Variants in CCDC171 observed in about 807,000 individuals in gnomAD.
CCDC171 encodes coiled-coil domain containing 171, also known as coiled-coil domain-containing protein 171.
CCDC171 carries 177 observed loss-of-function variants against 168.2 expected under a neutral mutation model. That is an observed-to-expected ratio of 1.05 (90% confidence interval 0.93 to 1.19). The LOEUF (loss-of-function observed/expected upper bound fraction) is 1.19, where lower values mean the gene tolerates loss of function less well. CCDC171 is among the 50% of genes most tolerant of loss of function. The probability of loss-of-function intolerance (pLI) is 0.00; values close to 1 mark genes in which losing one functional copy is unlikely to be tolerated. For synonymous variants in CCDC171, 687 were observed against 540.8 expected (o/e 1.27, Z -3.75); for missense variants, 1,991 against 1,539.0 (o/e 1.29, Z -4.91).
intron 21 of CCDC171, among the ~76,000 whole-genome samples, chr9:15,810,806 G>A (rs1430870336): frequency 6.6e-6 from 1 of 152,210 alleles, no homozygotes; most frequent in Non-Finnish European, 1.5e-5. Context: ...CCCACAAGGA[G>A]AGGGAGCTGG....
At chr9:15,953,748 A>T (rs1487938028) in intron 25 of CCDC171, among the ~76,000 whole-genome samples, 1 of 152,132 alleles carries the variant, frequency 6.6e-6, no homozygotes, top group African/African-American at 2.4e-5. Context: ...GAGGAGGACT[A>T]ATGTTAATTC....
In CCDC171 at chr9:15,564,085, C is replaced by G; in HGVS notation, c.-4C>G. The G allele has an allele frequency of 6.2e-7, 1 of 1,602,738 alleles. No homozygotes were observed. The highest frequency in any genetic ancestry group is 8.5e-7 in the Non-Finnish European group (1 of 1,172,874). The stretch of plus-strand genomic sequence containing the variant: ...AGGGTATTTTGAAAGAGTTGGAAAA[C>G]ATCATGAATTTGAATACTTCAAGTA... On this transcript the variant is annotated 5_prime_UTR_variant, in exon 2 of 26. Coordinates refer to ENST00000380701, the MANE Select transcript of CCDC171 (RefSeq NM_173550.4).
At chr9:15,861,814 T>C (rs551659591) in intron 23 of CCDC171, among the ~76,000 whole-genome samples, 15 of 152,194 alleles carry the variant, frequency 9.9e-5, no homozygotes, top group African/African-American at 3.6e-4. Flanking sequence ...ATTCTGTATA[T>C]CTGTATATTT....
At chr9:15,920,042 C>G (rs1825101959) in intron 24 of CCDC171, among the ~76,000 whole-genome samples, 1 of 151,628 alleles carries the variant, frequency 6.6e-6, no homozygotes, top group Non-Finnish European at 1.5e-5. Context: ...CAAAGTACAT[C>G]TTATTTAAAT....
At chr9:16,014,701 C>G (rs903205824) in intron 3 of CCDC171, among the ~76,000 whole-genome samples, 5 of 152,246 alleles carry the variant, frequency 3.3e-5, no homozygotes, top group Middle Eastern at 3.4e-3. Flanking sequence ...TTGTATATCT[C>G]CATCAGAGAT....
At chr9:15,747,980 G>T (rs188038972) in intron 18 of CCDC171, among the ~76,000 whole-genome samples, 3 of 151,996 alleles carry the variant, frequency 2.0e-5, no homozygotes, top group Non-Finnish European at 4.4e-5. Context: ...CTAACCCACT[G>T]CAAGGAAGCT....
chr9:16,043,876 T>G (rs1833612742), intron 1 of CCDC171, among the ~76,000 whole-genome samples: 1 of 152,214 alleles, frequency 6.6e-6, no homozygotes, highest in African/African-American at 2.4e-5. Flanking sequence ...TTCAGTGCCC[T>G]GGCATCACAG....
rs770015150 is a variant in CCDC171, at chr9:15,657,221, T to A, written c.915+2T>A. On this transcript the variant is annotated splice_donor_variant, in intron 8 of 25. Transcript: ENST00000380701. LOFTEE classifies it high-confidence loss of function. The stretch of plus-strand genomic sequence containing the variant: ...AAATTTAATTCTGAAATTATTCAGG[T>A]AAAATGTAAACAAATATTTTGGCCT... 1 of 1,578,374 alleles carries A rather than the reference T, an allele frequency of 6.3e-7. No homozygotes were observed. The highest frequency in any genetic ancestry group is 8.7e-7 in the Non-Finnish European group (1 of 1,149,716).
intron 3 of CCDC171, among the ~76,000 whole-genome samples, chr9:16,008,177 CCT>C (rs1832760934): frequency 6.6e-6 from 1 of 151,924 alleles, no homozygotes; most frequent in Non-Finnish European, 1.5e-5. Context: ...AAAATTTATC[CCT>C]GTTTTCTTCC....
chr9:16,057,551 A>G (rs1833859898), intron 1 of CCDC171, among the ~76,000 whole-genome samples: 1 of 152,286 alleles, frequency 6.6e-6, no homozygotes, highest in Admixed American at 6.5e-5. Flanking sequence ...TGTCTATTCA[A>G]GGTTGCTCTT....
chr9:15,801,815 T>G (rs529898236), intron 21 of CCDC171, among the ~76,000 whole-genome samples: 3 of 152,216 alleles, frequency 2.0e-5, no homozygotes, highest in African/African-American at 7.2e-5. Context: ...TTTTTAGGCT[T>G]TTTTAAAATC....
At chr9:15,832,389 G>C (rs577995776) in intron 21 of CCDC171, among the ~76,000 whole-genome samples, 1 of 152,102 alleles carries the variant, frequency 6.6e-6, no homozygotes, top group Non-Finnish European at 1.5e-5. Flanking sequence ...CAATTTTGTT[G>C]TACAAACATC....
chr9:15,556,762 A>G (rs1419185583), intron 1 of CCDC171, among the ~76,000 whole-genome samples: 6 of 151,786 alleles, frequency 4.0e-5, no homozygotes, highest in South Asian at 2.1e-4. Flanking sequence ...TCATTTGTCA[A>G]TTTTGGCTTT....
chr9:15,794,829 A>G (rs1321121471), intron 21 of CCDC171, among the ~76,000 whole-genome samples: 5 of 152,240 alleles, frequency 3.3e-5, no homozygotes, highest in African/African-American at 1.2e-4. Context: ...TGTAGTCGTG[A>G]TGATTTTTTA....
chr9:15,780,080 G>A (rs760951772), intron 20 of CCDC171, among the ~76,000 whole-genome samples: 3 of 152,228 alleles, frequency 2.0e-5, no homozygotes, highest in Non-Finnish European at 2.9e-5. Flanking sequence ...AACAGAGGCA[G>A]CAGCAGGTGT....
chr9:15,731,888 T>C (rs1009637960), intron 16 of CCDC171, among the ~76,000 whole-genome samples: 24 of 152,056 alleles, frequency 1.6e-4, no homozygotes, highest in African/African-American at 4.6e-4. Context: ...TTAGTCATTA[T>C]AGTGGTTTTA....
At chr9:15,556,244 C>G (rs540118923) in intron 1 of CCDC171, among the ~76,000 whole-genome samples, 1 of 151,388 alleles carries the variant, frequency 6.6e-6, no homozygotes, top group South Asian at 2.1e-4. Flanking sequence ...TGACCTTTCT[C>G]TCTGGCTGCC....
chr9:15,790,049 C>G (rs2058174618), intron 21 of CCDC171, among the ~76,000 whole-genome samples: 1 of 152,060 alleles, frequency 6.6e-6, no homozygotes, highest in Admixed American at 6.6e-5. Context: ...GTGAATAGTG[C>G]CCAATAACAT....
chr9:15,641,427 G>C (rs796448453), intron 7 of CCDC171, among the ~76,000 whole-genome samples: 81 of 152,140 alleles, frequency 5.3e-4, no homozygotes, highest in African/African-American at 1.7e-3. Flanking sequence ...AAACTGTTTT[G>C]TTTACTCAAT....
Sources: allele counts gnomAD v4.1 joint callset (sites outside exome capture counted in the v4.1 genomes callset), GRCh38; gene constraint gnomAD v4.1.1; transcripts MANE v1.5; gene names NCBI Gene and HGNC (gene_info 2026-07-23, HGNC 2026-07-21).